Variants in TRPS1 observed in about 807,000 individuals in gnomAD.
The protein encoded by TRPS1 is zinc finger transcription factor Trps1.
TRPS1 carries 6 observed loss-of-function variants against 101.2 expected under a neutral mutation model. That is an observed-to-expected ratio of 0.06 (90% CI 0.03 to 0.12). The LOEUF (loss-of-function observed/expected upper bound fraction) is 0.12. Ranked by LOEUF, TRPS1 falls within the 10% of genes least tolerant of loss-of-function variation. The pLI, the probability that TRPS1 is intolerant of heterozygous loss-of-function variation, is 1.00. For synonymous variants in TRPS1, 578 were observed against 589.8 expected, an observed-to-expected ratio of 0.98 and a Z score of 0.29; for missense variants, 1,363 against 1,567.0, an observed-to-expected ratio of 0.87 and a Z score of 2.20.
At chr8:115,470,258 A>C (rs563249449) in intron 5 of TRPS1, among the ~76,000 whole-genome samples, 1 of 152,324 alleles carries the variant, frequency 6.6e-6, no homozygotes, top group African/African-American at 2.4e-5. Context: ...TCTTTGACTA[A>C]GACATTGAAA....
chr8:115,564,560 G>A (rs1434412438), intron 5 of TRPS1, among the ~76,000 whole-genome samples: 1 of 152,096 alleles, frequency 6.6e-6, no homozygotes, highest in Non-Finnish European at 1.5e-5. Context: ...AGACAATATG[G>A]TGACAGATGG....
At chr8:115,497,442 C>T (rs1263771637) in intron 5 of TRPS1, among the ~76,000 whole-genome samples, 1 of 152,156 alleles carries the variant, frequency 6.6e-6, no homozygotes, top group African/African-American at 2.4e-5. Context: ...CAGACTGGTA[C>T]GGGTCCATGG....
intron 1 of TRPS1, chr8:115,668,147 G>T: frequency 1.7e-6 from 1 of 572,390 alleles, no homozygotes; most frequent in Non-Finnish European, 3.1e-6. Context: ...CTGACTCCAG[G>T]GGCTACTGCA....
chr8:115,454,718 C>T (rs944296569), intron 5 of TRPS1, among the ~76,000 whole-genome samples: 1 of 152,076 alleles, frequency 6.6e-6, no homozygotes, highest in Non-Finnish European at 1.5e-5. Flanking sequence ...GCTCTTTCAA[C>T]AAAGAGCTCT....
intron 4 of TRPS1, among the ~76,000 whole-genome samples, chr8:115,601,577 A>G (rs1817908750): frequency 6.6e-6 from 1 of 152,190 alleles, no homozygotes. Flanking sequence ...CAGCCAAACT[A>G]TATCAGGATT....
At chr8:115,562,034 T>C (rs1816957097) in intron 5 of TRPS1, among the ~76,000 whole-genome samples, 1 of 151,990 alleles carries the variant, frequency 6.6e-6, no homozygotes, top group Non-Finnish European at 1.5e-5. Flanking sequence ...CCTTGAGTAA[T>C]AAGCAGTTAT....
chr8:115,514,853 T>C (rs998299065), intron 5 of TRPS1, among the ~76,000 whole-genome samples: 1 of 151,664 alleles, frequency 6.6e-6, no homozygotes, highest in Non-Finnish European at 1.5e-5. Flanking sequence ...ATTAATATTC[T>C]CATGTTCAAA....
At chr8:115,450,495 T>C (rs544782232) in intron 5 of TRPS1, among the ~76,000 whole-genome samples, 1 of 152,142 alleles carries the variant, frequency 6.6e-6, no homozygotes, top group South Asian at 2.1e-4. Context: ...TTAAACGAAA[T>C]CACTAGCTAA....
chr8:115,483,481 T>C (rs1348089541), intron 5 of TRPS1, among the ~76,000 whole-genome samples: 1 of 149,834 alleles, frequency 6.7e-6, no homozygotes, highest in Non-Finnish European at 1.5e-5. Context: ...TTCAGTGAGC[T>C]GTAATCATGC....
chr8:115,462,475 A>G (rs1814204882), intron 5 of TRPS1, among the ~76,000 whole-genome samples: 1 of 152,156 alleles, frequency 6.6e-6, no homozygotes, highest in South Asian at 2.1e-4. Flanking sequence ...TATCTACCTC[A>G]TTGAATGGTG....
chr8:115,452,607 T>C (rs929579008), intron 5 of TRPS1, among the ~76,000 whole-genome samples: 1 of 152,166 alleles, frequency 6.6e-6, no homozygotes, highest in Admixed American at 6.5e-5. Context: ...AACTGCTTTG[T>C]TGTAGAGCGG....
chr8:115,530,353 G>C (rs879533842), intron 5 of TRPS1, among the ~76,000 whole-genome samples: 2 of 152,226 alleles, frequency 1.3e-5, no homozygotes, highest in African/African-American at 2.4e-5. Flanking sequence ...ACAAAGTCCA[G>C]AAATGGTAAA....
rs115189496 is a variant in TRPS1, at chr8:115,635,407, C to T, written c.-121-11649G>A. Among the ~76,000 whole-genome samples the T allele has an allele frequency of 4.7e-3, 719 of 152,246 alleles. 7 individuals are homozygous for T. The highest frequency in any genetic ancestry group is 0.017 in the African/African-American group (690 of 41,562). On this transcript the variant is annotated intron_variant, in intron 1 of 6. Coordinates refer to ENST00000395715, the MANE Select transcript of TRPS1 (RefSeq NM_014112.5). ...TGACCAAGTGATATGATAACTGATG[C>T]TCCTAAGTCAAAACTCACGTAACAT...
At chr8:115,505,318 T>C (rs1426916770) in intron 5 of TRPS1, among the ~76,000 whole-genome samples, 1 of 152,134 alleles carries the variant, frequency 6.6e-6, no homozygotes, top group Non-Finnish European at 1.5e-5. Context: ...AGACAGTAAA[T>C]TGTCACACAT....
At chr8:115,656,919 G>GA (rs1187591542) in intron 1 of TRPS1, among the ~76,000 whole-genome samples, 6 of 152,020 alleles carry the variant, frequency 3.9e-5, no homozygotes, top group East Asian at 1.9e-4. Context: ...AGCTTTAAAA[G>GA]AAAAAAACTA....
At chr8:115,546,567 G>A (rs917544714) in intron 5 of TRPS1, among the ~76,000 whole-genome samples, 2 of 1,696 alleles carry the variant, frequency 1.2e-3, no homozygotes, top group Non-Finnish European at 2.5e-3. Context: ...GTAACTCTCT[G>A]GCATGTAAAA....
chr8:115,602,286 T>C (rs1401327468), intron 4 of TRPS1, among the ~76,000 whole-genome samples: 1 of 152,178 alleles, frequency 6.6e-6, no homozygotes, highest in Non-Finnish European at 1.5e-5. Context: ...AAAAAAAGAA[T>C]GGACTATCTG....
At chr8:115,570,689 TCACACACACACA>T (rs35198890) in intron 5 of TRPS1, among the ~76,000 whole-genome samples, 4 of 95,754 alleles carry the variant, frequency 4.2e-5, no homozygotes, top group Non-Finnish European at 8.2e-5. Context: ...ACACACACAC[TCACACACACACA>T]CACACACACA....
intron 4 of TRPS1, among the ~76,000 whole-genome samples, chr8:115,600,957 G>A (rs1040089901): frequency 7.9e-5 from 12 of 152,058 alleles, no homozygotes; most frequent in African/African-American, 2.9e-4. Context: ...AACATTAAGT[G>A]AATGTACTAA....
Sources: gnomAD v4.1 joint callset for allele counts (sites outside exome capture counted in the v4.1 genomes callset) on GRCh38, gnomAD v4.1.1 for gene constraint, MANE v1.5 for transcripts, NCBI Gene and HGNC (gene_info 2026-07-23, HGNC 2026-07-21) for gene names.